The following LRRTM4 variants were observed in gnomAD, a reference collection of about 807,000 sequenced individuals.
LRRTM4 encodes the protein leucine rich repeat transmembrane neuronal 4.
Under a neutral mutation model 47.6 loss-of-function variants are expected in LRRTM4, and 25 were observed. The ratio of observed to expected loss-of-function variants is 0.53; its 90% confidence interval spans 0.38 to 0.73. LRRTM4 has a LOEUF of 0.73. Among genes scored for constraint, LRRTM4 ranks in the 30% least tolerant of loss-of-function variants. The pLI is 0.00. For synonymous variants in LRRTM4, 311 were observed against 269.5 expected (o/e 1.15, Z -1.51); for missense variants, 638 against 713.4 (o/e 0.89, Z 1.20).
intron 3 of LRRTM4, among the ~76,000 whole-genome samples, chr2:76,830,025 A>G (rs1381099919): frequency 1.3e-5 from 2 of 152,028 alleles, no homozygotes; most frequent in Non-Finnish European, 2.9e-5. Context: ...GACTACCAAC[A>G]GGGTGTATTA....
rs540461349 is a variant in LRRTM4 at position 77,159,797 on chromosome 2, T to C, written c.1551+358521A>G. 5.9e-5 allele frequency among the ~76,000 whole-genome samples: 9 copies of C among 152,206 alleles called. No individual in the cohort carries two copies. The South Asian group carries it at 1.9e-3, about 32-fold the overall frequency. Reference sequence around the variant, plus strand: ...ATGATTTCTGTATGACTTTTTTGCTTTTTAAAATTTCTCTAAAAATGTTTC... The same window carrying C: ...ATGATTTCTGTATGACTTTTTTGCTCTTTAAAATTTCTCTAAAAATGTTTC... On this transcript the variant is annotated intron_variant, in intron 3 of 3. Transcript: ENST00000409884.
chr2:77,171,431 C>A (rs1025669052), intron 3 of LRRTM4, among the ~76,000 whole-genome samples: 1 of 152,016 alleles, frequency 6.6e-6, no homozygotes. Flanking sequence ...AGGCCGCCAC[C>A]ACACCAGGCT....
At chr2:76,827,473 T>C (rs1671220716) in intron 3 of LRRTM4, among the ~76,000 whole-genome samples, 1 of 151,808 alleles carries the variant, frequency 6.6e-6, no homozygotes, top group Admixed American at 6.6e-5. Flanking sequence ...CTGTTTCCTG[T>C]GAATGCAACT....
At chr2:77,406,872 AC>A (rs1674211236) in intron 3 of LRRTM4, among the ~76,000 whole-genome samples, 1 of 152,090 alleles carries the variant, frequency 6.6e-6, no homozygotes, top group Admixed American at 6.6e-5. Context: ...AACAAATATG[AC>A]CACAAAAAAA....
intron 3 of LRRTM4, among the ~76,000 whole-genome samples, chr2:77,417,774 G>C (rs1307582730): frequency 6.6e-6 from 1 of 151,460 alleles, no homozygotes; most frequent in Admixed American, 6.6e-5. Context: ...TGGGGGGGAA[G>C]GGGGGAGGAA....
At chr2:77,205,759 C>T (rs866699738) in intron 3 of LRRTM4, among the ~76,000 whole-genome samples, 45 of 152,284 alleles carry the variant, frequency 3.0e-4, no homozygotes, top group African/African-American at 1.1e-3. Flanking sequence ...GGAGAATGTA[C>T]CCATTATATT....
intron 3 of LRRTM4, among the ~76,000 whole-genome samples, chr2:76,760,920 G>A (rs1402923964): frequency 6.6e-6 from 1 of 152,212 alleles, no homozygotes; most frequent in Non-Finnish European, 1.5e-5. Flanking sequence ...TGCCTTTAGA[G>A]CAGTGGTTCT....
intron 3 of LRRTM4, among the ~76,000 whole-genome samples, chr2:77,497,015 T>C (rs551526630): frequency 1.3e-4 from 19 of 151,754 alleles, no homozygotes; most frequent in Non-Finnish European, 2.8e-4. Flanking sequence ...TCTTTTTGAG[T>C]AAATTTTGAT....
intron 3 of LRRTM4, among the ~76,000 whole-genome samples, chr2:77,185,736 G>A (rs574849395): frequency 6.6e-6 from 1 of 152,238 alleles, no homozygotes; most frequent in South Asian, 2.1e-4. Flanking sequence ...ACTATCCCCT[G>A]AGAATTAGTC....
At chr2:77,064,852 T>C (rs2103810121) in intron 3 of LRRTM4, among the ~76,000 whole-genome samples, 1 of 152,260 alleles carries the variant, frequency 6.6e-6, no homozygotes, top group East Asian at 1.9e-4. Flanking sequence ...CTGCCTTTTC[T>C]GATTTACAGA....
chr2:77,036,848 C>T (rs1005146391), intron 3 of LRRTM4, among the ~76,000 whole-genome samples: 1 of 151,630 alleles, frequency 6.6e-6, no homozygotes, highest in African/African-American at 2.4e-5. Context: ...CCCAACCCAA[C>T]TTAGGGATTT....
chr2:76,842,715 A>G (rs1671719375), intron 3 of LRRTM4, among the ~76,000 whole-genome samples: 1 of 150,872 alleles, frequency 6.6e-6, no homozygotes, highest in Non-Finnish European at 1.5e-5. Context: ...TTTTAACTTT[A>G]TAAAAGTTTT....
At chr2:77,305,532 A>G (rs1208640289) in intron 3 of LRRTM4, among the ~76,000 whole-genome samples, 1 of 152,094 alleles carries the variant, frequency 6.6e-6, no homozygotes, top group Non-Finnish European at 1.5e-5. Context: ...GTTTACATAC[A>G]TTTTGCTGAA....
At chr2:76,994,288 A>T (rs1231984369) in intron 3 of LRRTM4, among the ~76,000 whole-genome samples, 3 of 151,986 alleles carry the variant, frequency 2.0e-5, no homozygotes, top group South Asian at 2.1e-4. Context: ...TATTTTAAAA[A>T]TTATAAAAAT....
intron 3 of LRRTM4, among the ~76,000 whole-genome samples, chr2:76,802,104 A>G (rs1407046346): frequency 6.6e-6 from 1 of 152,096 alleles, no homozygotes; most frequent in Non-Finnish European, 1.5e-5. Flanking sequence ...TCAATACAGT[A>G]TTGAAAGTCC....
At chr2:77,086,552 A>G (rs559651145) in intron 3 of LRRTM4, among the ~76,000 whole-genome samples, 4 of 148,124 alleles carry the variant, frequency 2.7e-5, no homozygotes, top group African/African-American at 1.0e-4. Context: ...GTCTCGGCTC[A>G]CTGCAACCTC....
intron 3 of LRRTM4, among the ~76,000 whole-genome samples, chr2:77,314,905 A>G (rs1418956969): frequency 6.6e-6 from 1 of 152,172 alleles, no homozygotes; most frequent in Non-Finnish European, 1.5e-5. Context: ...CCAGGCAATC[A>G]CGAGGGTAAA....
At chr2:77,341,294 C>A (rs889991316) in intron 3 of LRRTM4, among the ~76,000 whole-genome samples, 2 of 151,874 alleles carry the variant, frequency 1.3e-5, no homozygotes, top group Admixed American at 6.6e-5. Context: ...TTGCTCAGTA[C>A]CCATGAATGA....
At chr2:77,340,780 A>C (rs10445901) in intron 3 of LRRTM4, among the ~76,000 whole-genome samples, 1 of 151,692 alleles carries the variant, frequency 6.6e-6, no homozygotes, top group Non-Finnish European at 1.5e-5. Context: ...GGCATTTGAC[A>C]CTACAAGTTG....
Sources: allele counts gnomAD v4.1 joint callset (sites outside exome capture counted in the v4.1 genomes callset), GRCh38; gene constraint gnomAD v4.1.1; transcripts MANE v1.5; gene names NCBI Gene and HGNC (gene_info 2026-07-23, HGNC 2026-07-21).